The following C12orf42 variants were observed in gnomAD, a reference collection of about 807,000 sequenced individuals.
C12orf42 encodes the protein chromosome 12 open reading frame 42, also known as uncharacterized protein C12orf42.
In C12orf42, 25 loss-of-function variants were observed where a neutral mutation model predicts 21.6. The ratio of observed to expected loss-of-function variants is 1.16; its 90% CI spans 0.84 to 1.62. The LOEUF (loss-of-function observed/expected upper bound fraction) is 1.62. C12orf42 is among the 40% of genes most tolerant of loss of function. The pLI is 0.00. For missense variants in C12orf42, 483 were observed against 459.3 expected (o/e 1.05, Z -0.47); for synonymous variants, 174 against 175.0 (o/e 0.99, Z 0.05).
chr12:103,277,358 G>A (rs1181519462), intron 4 of C12orf42: 1 of 250,202 alleles, frequency 4.0e-6, no homozygotes, highest in African/African-American at 2.3e-5. Context: ...ACAGAAGGAT[G>A]GCATTATGTT....
chr12:103,176,325 T>TTG, the C12orf42 span, among the ~76,000 whole-genome samples: 1 of 152,220 alleles, frequency 6.6e-6, no homozygotes, highest in Non-Finnish European at 1.5e-5. Context: ...TTCTTTGAGT[T>TTG]ACCACTTTCT....
At chr12:103,258,894 C>T (rs7131698) in intron 10 of C12orf42, among the ~76,000 whole-genome samples, 3,201 of 152,192 alleles carry the variant, frequency 0.021, 137 homozygotes, top group African/African-American at 0.073. Context: ...TATCAGTCCT[C>T]GTCAAATTTA....
chr12:103,357,722 G>C (rs1432569566), intron 4 of C12orf42, among the ~76,000 whole-genome samples: 1 of 151,972 alleles, frequency 6.6e-6, no homozygotes, highest in Non-Finnish European at 1.5e-5. Context: ...CCTTTCATTG[G>C]CCAGTTCAGC....
At chr12:103,335,105 C>T (rs2041578128) in intron 4 of C12orf42, among the ~76,000 whole-genome samples, 1 of 152,198 alleles carries the variant, frequency 6.6e-6, no homozygotes, top group Non-Finnish European at 1.5e-5. Flanking sequence ...CCAGTTTTAA[C>T]AGCCAAATGT....
chr12:103,534,894 T>A, the C12orf42 span, among the ~76,000 whole-genome samples: 1 of 152,204 alleles, frequency 6.6e-6, no homozygotes, highest in Non-Finnish European at 1.5e-5. Context: ...GGGGTAAGTG[T>A]TTGCTTGCAA....
the C12orf42 span, among the ~76,000 whole-genome samples, chr12:103,145,514 A>G: frequency 6.6e-6 from 1 of 152,224 alleles, no homozygotes; most frequent in East Asian, 1.9e-4. Context: ...ACTCTCATAC[A>G]TTATTGGTAG....
chr12:103,081,175 T>A, the C12orf42 span: 10 of 152,338 alleles, frequency 6.6e-5, no homozygotes, highest in African/African-American at 2.2e-4. Context: ...ATTCACCATC[T>A]TCCTTAGGCT....
chr12:103,302,235 G>A lies in C12orf42; in HGVS notation c.956C>T (p.Ser319Phe). 6.2e-7 allele frequency: 1 copy of A among 1,612,180 alleles called. No homozygotes were observed. Among genetic ancestry groups the A allele is most frequent in the Non-Finnish European group, 8.5e-7 (1 of 1,179,158 alleles). ...TAACCTCTTGGAGGGGAAATGGGTG[G>A]AAGCACCGGCCAGCAGAGGAAGGGG... Reference protein sequence around the residue: ...GAPLPLLAGASTHFPSKRLIK... With the variant: ...GAPLPLLAGAFTHFPSKRLIK... Residue 319 changes from serine (S) to phenylalanine (F), a missense_variant, in exon 6 of 6, where the codon TCC becomes TTC. Transcript: ENST00000548883.
At chr12:103,523,632 T>C in the C12orf42 span, among the ~76,000 whole-genome samples, 2 of 151,078 alleles carry the variant, frequency 1.3e-5, no homozygotes, top group Non-Finnish European at 2.9e-5. Flanking sequence ...TATATGTATA[T>C]ATATGTAGTG....
chr12:103,108,200 A>G, the C12orf42 span, among the ~76,000 whole-genome samples: 1 of 151,732 alleles, frequency 6.6e-6, no homozygotes, highest in Non-Finnish European at 1.5e-5. Context: ...ATAAAAAAGA[A>G]TAGGCCACTA....
the C12orf42 span, among the ~76,000 whole-genome samples, chr12:103,182,721 A>G: frequency 6.6e-6 from 1 of 152,234 alleles, no homozygotes; most frequent in Non-Finnish European, 1.5e-5. Flanking sequence ...ATACAAAAAA[A>G]CACTCTAGAG....
intron 3 of C12orf42, among the ~76,000 whole-genome samples, chr12:103,372,515 G>T (rs561711141): frequency 6.6e-6 from 1 of 152,178 alleles, no homozygotes; most frequent in East Asian, 1.9e-4. Context: ...AACGTTACCT[G>T]GGAGCTTGTT....
chr12:103,378,085 G>C (rs2045859642), intron 3 of C12orf42, among the ~76,000 whole-genome samples: 1 of 152,152 alleles, frequency 6.6e-6, no homozygotes, highest in Non-Finnish European at 1.5e-5. Context: ...GGGGGAACTA[G>C]CCTGAGCTGA....
the C12orf42 span, among the ~76,000 whole-genome samples, chr12:103,123,941 T>C: frequency 1.3e-3 from 203 of 152,116 alleles, no homozygotes; most frequent in African/African-American, 4.7e-3. Flanking sequence ...TTAAGCCATA[T>C]AACACTTCAA....
chr12:103,085,443 C>A, the C12orf42 span, among the ~76,000 whole-genome samples: 2 of 152,044 alleles, frequency 1.3e-5, no homozygotes, highest in African/African-American at 4.8e-5. Context: ...CTCCAGCACG[C>A]GGGTCATATG....
At chr12:103,431,511 G>A (rs1294483406) in intron 2 of C12orf42, among the ~76,000 whole-genome samples, 1 of 152,154 alleles carries the variant, frequency 6.6e-6, no homozygotes, top group Non-Finnish European at 1.5e-5. Context: ...GGCAACACAG[G>A]CAAGTTAACC....
chr12:103,436,514 G>A (rs200262212), intron 2 of C12orf42, among the ~76,000 whole-genome samples: 24,525 of 149,884 alleles, frequency 0.16, 2,172 homozygotes, highest in African/African-American at 0.26. Flanking sequence ...CCCATCTCAC[G>A]TGCAGAGACA....
rs551262774 is a variant in C12orf42 at position 103,281,297 on chromosome 12, A to G, written n.338-4087T>C. 1.7e-3 allele frequency among the ~76,000 whole-genome samples: 264 copies of G among 152,320 alleles called. 1 individual carries two copies. The highest frequency in any genetic ancestry group is 6.0e-3 in the African/African-American group (251 of 41,568). On this transcript the variant is annotated intron_variant and non_coding_transcript_variant, in intron 4 of 6. Transcript: ENST00000546526. ...CCTTGTACTCCTTGTCTTTCTATAT[A>G]AAATGAATAAGCATAAACATGGGAA...
the C12orf42 span, chr12:103,547,936 T>C: frequency 6.6e-6 from 1 of 152,226 alleles, no homozygotes; most frequent in African/African-American, 2.4e-5. Context: ...GTAATAGGCT[T>C]CTCGTGGCCT....
Sources: allele counts gnomAD v4.1 joint callset (sites outside exome capture counted in the v4.1 genomes callset), GRCh38; gene constraint gnomAD v4.1.1; transcripts MANE v1.5; gene names NCBI Gene and HGNC (gene_info 2026-07-23, HGNC 2026-07-21).